PTPRM: variants seen among roughly 807,000 people sequenced by gnomAD.
The protein encoded by PTPRM is receptor-type tyrosine-protein phosphatase mu.
A neutral mutation model predicts 186.7 loss-of-function variants in PTPRM; 47 were observed. The ratio of observed to expected loss-of-function variants is 0.25; its 90% CI spans 0.20 to 0.32. The LOEUF (loss-of-function observed/expected upper bound fraction) is 0.32, where lower values mean the gene tolerates loss of function less well. Among genes scored for constraint, PTPRM ranks in the 10% least tolerant of loss-of-function variants. The pLI is 1.00. For synonymous variants in PTPRM, 668 were observed against 674.9 expected, an observed-to-expected ratio of 0.99 and a Z score of 0.16; for missense variants, 1,494 against 1,865.0, an observed-to-expected ratio of 0.80 and a Z score of 3.66.
At chr18:8,175,533 G>A (rs1039995600) in intron 14 of PTPRM, among the ~76,000 whole-genome samples, 8 of 152,076 alleles carry the variant, frequency 5.3e-5, no homozygotes, top group African/African-American at 1.9e-4. Flanking sequence ...TAATCACACC[G>A]GCAATCTAGA....
chr18:8,087,755 T>C (rs2090504933), intron 10 of PTPRM, among the ~76,000 whole-genome samples: 1 of 152,160 alleles, frequency 6.6e-6, no homozygotes, highest in African/African-American at 2.4e-5. Flanking sequence ...AAGTAACCCA[T>C]ATCTGTTATA....
At chr18:7,854,367 C>T (rs1365609139) in intron 2 of PTPRM, among the ~76,000 whole-genome samples, 1 of 152,066 alleles carries the variant, frequency 6.6e-6, no homozygotes, top group Non-Finnish European at 1.5e-5. Context: ...TACCCCTTTA[C>T]ACTTCTGCAA....
chr18:7,889,356 A>G (rs1207178859), intron 3 of PTPRM, among the ~76,000 whole-genome samples: 8 of 45,126 alleles, frequency 1.8e-4, no homozygotes, highest in African/African-American at 1.3e-3. Flanking sequence ...TTTTTTTTTG[A>G]GACTGGGACT....
chr18:7,831,459 T>C (rs1329533796), intron 2 of PTPRM, among the ~76,000 whole-genome samples: 1 of 152,182 alleles, frequency 6.6e-6, no homozygotes, highest in Non-Finnish European at 1.5e-5. Flanking sequence ...CCATTTTATT[T>C]TTTCCAAATC....
chr18:7,976,080 A>T (rs2054913806), intron 7 of PTPRM, among the ~76,000 whole-genome samples: 1 of 152,246 alleles, frequency 6.6e-6, no homozygotes, highest in Admixed American at 6.5e-5. Flanking sequence ...GAGGCAGGAA[A>T]ATATCTTGAA....
intron 7 of PTPRM, among the ~76,000 whole-genome samples, chr18:8,059,112 T>A (rs2088268169): frequency 6.6e-6 from 1 of 151,162 alleles, no homozygotes; most frequent in East Asian, 1.9e-4. Context: ...CATTTGTTTG[T>A]ATCCTCTTTT....
chr18:7,581,072 A>T (rs2143497049), intron 1 of PTPRM, among the ~76,000 whole-genome samples: 1 of 152,324 alleles, frequency 6.6e-6, no homozygotes, highest in African/African-American at 2.4e-5. Flanking sequence ...GTCGGCTGTT[A>T]GAAAGCCAGA....
intron 13 of PTPRM, among the ~76,000 whole-genome samples, chr18:8,136,334 A>G (rs944218446): frequency 6.6e-6 from 1 of 152,258 alleles, no homozygotes; most frequent in Non-Finnish European, 1.5e-5. Context: ...TCATCAAAAT[A>G]GTAAGAGCAG....
intron 20 of PTPRM, 78 bp from the exon 21 acceptor site, chr18:8,314,703 T>C (rs2095295519): frequency 5.3e-6 from 5 of 944,568 alleles, no homozygotes; most frequent in Non-Finnish European, 8.5e-6. Flanking sequence ...CTATGTAATA[T>C]GCTTACATTC....
intron 9 of PTPRM, among the ~76,000 whole-genome samples, chr18:8,081,358 T>G (rs2090118229): frequency 6.6e-6 from 1 of 152,168 alleles, no homozygotes; most frequent in African/African-American, 2.4e-5. Context: ...GCACCTCCCA[T>G]AAAATTACTT....
At chr18:8,047,526 A>G (rs924207287) in intron 7 of PTPRM, among the ~76,000 whole-genome samples, 1 of 152,160 alleles carries the variant, frequency 6.6e-6, no homozygotes, top group African/African-American at 2.4e-5. Context: ...CAGTCACACA[A>G]TGCACTTTCT....
chr18:8,321,427 T>TC (rs202025383), intron 22 of PTPRM, among the ~76,000 whole-genome samples: 2,842 of 152,172 alleles, frequency 0.019, 50 homozygotes, highest in Admixed American at 0.053. Flanking sequence ...TCTGCCCCTC[T>TC]CCCCCTGTAA....
chr18:8,118,799 C>CAAAAA (rs71354599), intron 13 of PTPRM, among the ~76,000 whole-genome samples: 31 of 119,382 alleles, frequency 2.6e-4, no homozygotes, highest in South Asian at 8.5e-4. Context: ...CATTCCATCT[C>CAAAAA]AAAAAAAAAA....
chr18:8,392,573 G>A (rs961751150), intron 31 of PTPRM, among the ~76,000 whole-genome samples: 2 of 151,862 alleles, frequency 1.3e-5, no homozygotes, highest in African/African-American at 2.4e-5. Flanking sequence ...CTTGCAGTGA[G>A]CCAAGATCGC....
chr18:7,703,039 A>G (rs958185878), intron 1 of PTPRM, among the ~76,000 whole-genome samples: 1 of 151,882 alleles, frequency 6.6e-6, no homozygotes, highest in Non-Finnish European at 1.5e-5. Flanking sequence ...TGGTCTATAT[A>G]TCTGTTTTGG....
At chr18:7,661,626 A>G (rs1318343356) in intron 1 of PTPRM, among the ~76,000 whole-genome samples, 3 of 152,182 alleles carry the variant, frequency 2.0e-5, no homozygotes. Context: ...AAAACCATCC[A>G]GGGGGATCAA....
intron 19 of PTPRM, among the ~76,000 whole-genome samples, chr18:8,288,512 C>A (rs772848390): frequency 6.6e-6 from 1 of 152,186 alleles, no homozygotes; most frequent in Non-Finnish European, 1.5e-5. Context: ...TGACACTCAC[C>A]CCAATTATAT....
chr18:8,131,415 A>T (rs2092502817), intron 13 of PTPRM, among the ~76,000 whole-genome samples: 1 of 152,228 alleles, frequency 6.6e-6, no homozygotes. Flanking sequence ...GATGCTGATG[A>T]ATAAAGTTAC....
chr18:8,046,060 C>T (rs1376342966), intron 7 of PTPRM, among the ~76,000 whole-genome samples: 1 of 152,070 alleles, frequency 6.6e-6, no homozygotes. Flanking sequence ...ATGCTGTTCT[C>T]ATGATAGTGA....
Sources: allele counts gnomAD v4.1 joint callset (sites outside exome capture counted in the v4.1 genomes callset), GRCh38; gene constraint gnomAD v4.1.1; transcripts MANE v1.5; gene names NCBI Gene and HGNC (gene_info 2026-07-23, HGNC 2026-07-21).